The following CERS6 variants were observed in gnomAD, a reference collection of about 807,000 sequenced individuals.
CERS6 encodes LAG1 homolog, ceramide synthase 6.
CERS6 carries 26 observed loss-of-function variants against 56.8 expected under a neutral mutation model. The observed-to-expected ratio is 0.46, with a 90% CI of 0.34 to 0.63. The LOEUF (loss-of-function observed/expected upper bound fraction) is 0.63. CERS6 is among the 30% of genes least tolerant of loss of function. The pLI is 0.01. For missense variants in CERS6, 415 were observed against 467.5 expected, an observed-to-expected ratio of 0.89 and a Z score of 1.04; for synonymous variants, 164 against 173.3, an observed-to-expected ratio of 0.95 and a Z score of 0.42.
chr2:168,463,047 G>A (rs1052141085), intron 1 of CERS6, among the ~76,000 whole-genome samples: 12 of 152,058 alleles, frequency 7.9e-5, no homozygotes, highest in African/African-American at 2.7e-4. Flanking sequence ...TTTACTTTAC[G>A]TGGTTACTTT....
intron 1 of CERS6, among the ~76,000 whole-genome samples, chr2:168,476,653 G>A (rs1235470976): frequency 2.0e-5 from 3 of 152,076 alleles, no homozygotes; most frequent in Non-Finnish European, 2.9e-5. Context: ...AACGTAGTAG[G>A]GACTGCTTTT....
intron 1 of CERS6, among the ~76,000 whole-genome samples, chr2:168,467,525 CAT>C (rs945207141): frequency 6.6e-6 from 1 of 152,070 alleles, no homozygotes; most frequent in Non-Finnish European, 1.5e-5. Flanking sequence ...AATTAATAGA[CAT>C]GTATATTTAT....
chr2:168,773,795 C>CA lies in CERS6; in HGVS notation c.*4133_*4134insA, dbSNP rs1684926171. On this transcript the variant is annotated 3_prime_UTR_variant, in exon 10 of 10. Coordinates refer to ENST00000305747, the MANE Select transcript of CERS6 (RefSeq NM_203463.3). ...TGATGAGCACTGACTGGTTCACTGG[C>CA]CACATTTTAGTTCTTCATAATAATA... 1 of 152,188 alleles carries CA rather than the reference C, an allele frequency of 6.6e-6. No homozygotes were observed. Among genetic ancestry groups the CA allele is most frequent in the Non-Finnish European group, 1.5e-5 (1 of 68,046 alleles). 9.4% of individuals were successfully genotyped at this position (152,188 alleles called of 1,614,324 possible). A position where few individuals can be genotyped will look rare whatever the true frequency, so the allele number is the denominator to read the frequency against.
At chr2:168,643,766 C>A (rs1232558161) in intron 4 of CERS6, among the ~76,000 whole-genome samples, 1 of 152,194 alleles carries the variant, frequency 6.6e-6, no homozygotes, top group Non-Finnish European at 1.5e-5. Context: ...CTACTTCTGT[C>A]ATCAGTTCGC....
intron 3 of CERS6, among the ~76,000 whole-genome samples, chr2:168,593,928 A>T (rs957442212): frequency 3.3e-5 from 5 of 152,130 alleles, no homozygotes; most frequent in African/African-American, 1.2e-4. Flanking sequence ...ATACTCTGTT[A>T]CTCTGTTTTG....
chr2:168,750,774 G>A (rs1180487177), intron 8 of CERS6, among the ~76,000 whole-genome samples: 1 of 152,120 alleles, frequency 6.6e-6, no homozygotes, highest in East Asian at 1.9e-4. Flanking sequence ...TTGCAAAGAG[G>A]ATCACGGTTC....
chr2:168,537,867 C>T (rs1183212214), intron 1 of CERS6, among the ~76,000 whole-genome samples: 1 of 152,176 alleles, frequency 6.6e-6, no homozygotes, highest in Non-Finnish European at 1.5e-5. Context: ...ATAAGCATAA[C>T]CTCAGACTTA....
chr2:168,648,487 T>G (rs1685259223), intron 4 of CERS6, among the ~76,000 whole-genome samples: 1 of 152,212 alleles, frequency 6.6e-6, no homozygotes, highest in African/African-American at 2.4e-5. Context: ...CTGGATTTGT[T>G]GATCTTTTGA....
At chr2:168,657,811 C>A (rs573604174) in intron 4 of CERS6, among the ~76,000 whole-genome samples, 1 of 152,204 alleles carries the variant, frequency 6.6e-6, no homozygotes, top group East Asian at 1.9e-4. Flanking sequence ...GGTTCCCGCT[C>A]GTGCCTCTCC....
chr2:168,757,968 G>A (rs1027231421), intron 8 of CERS6, among the ~76,000 whole-genome samples: 3 of 152,098 alleles, frequency 2.0e-5, no homozygotes, highest in Admixed American at 2.0e-4. Context: ...ATTTAAGCCT[G>A]GAGCTTTTAT....
At chr2:168,638,233 GAAATTCCTTTTTACAC>G (rs1684906695) in intron 4 of CERS6, among the ~76,000 whole-genome samples, 2 of 152,194 alleles carry the variant, frequency 1.3e-5, no homozygotes, top group East Asian at 3.9e-4. Context: ...ACTGGGTATA[GAAATTCCTTTTTACAC>G]AAGTTGGTAT....
intron 8 of CERS6, among the ~76,000 whole-genome samples, chr2:168,757,216 C>T (rs557456980): frequency 1.3e-5 from 2 of 152,226 alleles, no homozygotes; most frequent in South Asian, 4.2e-4. Context: ...ATGTTGGAAT[C>T]AGGATACATC....
chr2:168,659,962 A>G (rs1365100639), intron 4 of CERS6, among the ~76,000 whole-genome samples: 1 of 152,244 alleles, frequency 6.6e-6, no homozygotes, highest in African/African-American at 2.4e-5. Context: ...ATTATTTTAT[A>G]CTAAAGAGAG....
At chr2:168,670,965 T>TCCCCCC in intron 4 of CERS6, among the ~76,000 whole-genome samples, 2 of 23,172 alleles carry the variant, frequency 8.6e-5, no homozygotes, top group Non-Finnish European at 4.0e-4. Flanking sequence ...GGATACATGC[T>TCCCCCC]TCCCCCCCCC....
intron 3 of CERS6, among the ~76,000 whole-genome samples, chr2:168,627,583 A>G (rs888096914): frequency 6.7e-5 from 10 of 149,598 alleles, no homozygotes; most frequent in African/African-American, 2.4e-4. Context: ...ATTTGTTTTC[A>G]TTTGATTTGT....
At chr2:168,546,376 CAGTGTACCAGGTATT>C (rs1389717876) in intron 1 of CERS6, among the ~76,000 whole-genome samples, 2 of 152,190 alleles carry the variant, frequency 1.3e-5, no homozygotes, top group African/African-American at 4.8e-5. Flanking sequence ...CCAGAGAGCC[CAGTGTACCAGGTATT>C]ACGGTGCATT....
intron 8 of CERS6, among the ~76,000 whole-genome samples, chr2:168,729,903 G>A (rs1287832881): frequency 2.6e-5 from 4 of 152,200 alleles, no homozygotes; most frequent in African/African-American, 9.7e-5. Context: ...TGAGCCTGCT[G>A]TGCATCAGGC....
At chr2:168,721,636 AC>A (rs1461910960) in intron 8 of CERS6, among the ~76,000 whole-genome samples, 3 of 150,036 alleles carry the variant, frequency 2.0e-5, no homozygotes, top group Non-Finnish European at 4.5e-5. Flanking sequence ...AAAAAAAAAA[AC>A]CAACGGGGTC....
At chr2:168,531,399 G>A (rs1695163934) in intron 1 of CERS6, among the ~76,000 whole-genome samples, 1 of 152,196 alleles carries the variant, frequency 6.6e-6, no homozygotes, top group African/African-American at 2.4e-5. Flanking sequence ...GTTTTTGAAT[G>A]CTCTCTCTAG....
Sources: gnomAD v4.1 joint callset for allele counts (sites outside exome capture counted in the v4.1 genomes callset) on GRCh38, gnomAD v4.1.1 for gene constraint, MANE v1.5 for transcripts, NCBI Gene and HGNC (gene_info 2026-07-23, HGNC 2026-07-21) for gene names.